Variants in CHST11 observed in about 807,000 individuals in gnomAD.
The protein encoded by CHST11 is C4S-1.
Under a neutral mutation model 30.4 loss-of-function variants are expected in CHST11, and 9 were observed. The observed-to-expected ratio is 0.30, with a 90% CI of 0.18 to 0.52. The LOEUF is 0.52. CHST11 is among the 20% of genes least tolerant of loss of function. The pLI is 0.97. For missense variants in CHST11, 348 were observed against 460.6 expected (o/e 0.76, Z 2.24); for synonymous variants, 152 against 187.8 (o/e 0.81, Z 1.56).
At position 104,714,637 on chromosome 12, in the gene CHST11, G is replaced by A. The variant is rs182228676; in HGVS notation, c.205-42312G>A. ...CAGCCAGACACAGCGGCTGCTTGAC[G>A]TTCACCCTGGCACCACATGGGAGGC... On this transcript the variant is annotated intron_variant, in intron 2 of 2. Coordinates refer to ENST00000303694, the MANE Select transcript of CHST11 (RefSeq NM_018413.6). 2.6e-5 allele frequency among the ~76,000 whole-genome samples: 4 copies of A among 152,270 alleles called. No homozygotes were observed. The East Asian group carries it at 5.8e-4, about 22-fold the overall frequency.
At chr12:104,583,868 A>G (rs889963247) in intron 1 of CHST11, among the ~76,000 whole-genome samples, 1 of 152,056 alleles carries the variant, frequency 6.6e-6, no homozygotes, top group Admixed American at 6.5e-5. Context: ...ACCTGCCACC[A>G]CACCCAGCTA....
chr12:104,623,832 C>T (rs1183405864), intron 2 of CHST11, among the ~76,000 whole-genome samples: 1 of 152,174 alleles, frequency 6.6e-6, no homozygotes, highest in Non-Finnish European at 1.5e-5. Flanking sequence ...ATTTCAATCA[C>T]TTTCAACTTG....
chr12:104,538,362 C>T (rs2038257455), intron 1 of CHST11, among the ~76,000 whole-genome samples: 1 of 152,184 alleles, frequency 6.6e-6, no homozygotes, highest in Non-Finnish European at 1.5e-5. Context: ...TCATCTCATC[C>T]TATCAAGGGT....
intron 2 of CHST11, among the ~76,000 whole-genome samples, chr12:104,710,212 A>C (rs1398957810): frequency 2.7e-5 from 4 of 150,798 alleles, no homozygotes; most frequent in Non-Finnish European, 5.9e-5. Context: ...ACAAAAAAAG[A>C]AGTTTTTTCA....
chr12:104,475,673 T>TATATATATAC (rs2037551828), intron 1 of CHST11, among the ~76,000 whole-genome samples: 1 of 82,306 alleles, frequency 1.2e-5, no homozygotes, highest in African/African-American at 4.5e-5. Flanking sequence ...TATATATATA[T>TATATATATAC]ATATATATAT....
At chr12:104,537,963 C>T (rs1435184569) in intron 1 of CHST11, among the ~76,000 whole-genome samples, 4 of 152,118 alleles carry the variant, frequency 2.6e-5, no homozygotes, top group African/African-American at 7.2e-5. Flanking sequence ...CCCACAGTGC[C>T]GGGATTCCAG....
At chr12:104,571,826 T>C (rs1361848226) in intron 1 of CHST11, among the ~76,000 whole-genome samples, 1 of 152,250 alleles carries the variant, frequency 6.6e-6, no homozygotes, top group Non-Finnish European at 1.5e-5. Flanking sequence ...TTTTTGATCA[T>C]TCAGTATGAT....
intron 2 of CHST11, among the ~76,000 whole-genome samples, chr12:104,645,855 A>G (rs536600720): frequency 7.2e-5 from 11 of 152,182 alleles, no homozygotes; most frequent in Non-Finnish European, 1.5e-4. Context: ...CTACCTACAA[A>G]TTAGGGTGTG....
intron 1 of CHST11, among the ~76,000 whole-genome samples, chr12:104,498,627 A>G (rs181492512): frequency 6.6e-6 from 1 of 152,316 alleles, no homozygotes; most frequent in East Asian, 1.9e-4. Flanking sequence ...AAACGTCCCT[A>G]TAGGACCTTT....
chr12:104,621,825 C>T (rs1413873681), intron 2 of CHST11, among the ~76,000 whole-genome samples: 7 of 152,204 alleles, frequency 4.6e-5, no homozygotes, highest in Non-Finnish European at 8.8e-5. Flanking sequence ...AACTAACATG[C>T]ACACACCCCT....
chr12:104,754,552 A>G (rs1460875745), intron 2 of CHST11, among the ~76,000 whole-genome samples: 4 of 152,164 alleles, frequency 2.6e-5, no homozygotes, highest in African/African-American at 9.7e-5. Flanking sequence ...AGGGCTTCCT[A>G]ATAGGCTTCA....
intron 1 of CHST11, among the ~76,000 whole-genome samples, chr12:104,488,645 A>ATG (rs55888657): frequency 0.33 from 44,411 of 136,514 alleles, 6,900 homozygotes; most frequent in East Asian, 0.52. Context: ...GTGCGTGTGT[A>ATG]TGTGTGTGTG....
chr12:104,596,388 G>A (rs4964825), intron 1 of CHST11, among the ~76,000 whole-genome samples: 86,064 of 152,096 alleles, frequency 0.57, 24,749 homozygotes, highest in East Asian at 0.77. Context: ...TTTTGCCAGC[G>A]GAAGGAGCAG....
At chr12:104,694,931 G>A (rs947605114) in intron 2 of CHST11, among the ~76,000 whole-genome samples, 24 of 152,208 alleles carry the variant, frequency 1.6e-4, no homozygotes, top group African/African-American at 5.5e-4. Context: ...AGAAGTCAGT[G>A]GCTCCCATTT....
chr12:104,683,034 A>T (rs2039813076), intron 2 of CHST11, among the ~76,000 whole-genome samples: 1 of 152,248 alleles, frequency 6.6e-6, no homozygotes, highest in African/African-American at 2.4e-5. Flanking sequence ...ACTTTAAAAG[A>T]TGTACAAACC....
chr12:104,459,141 C>T (rs2037383709), intron 1 of CHST11, among the ~76,000 whole-genome samples: 1 of 152,214 alleles, frequency 6.6e-6, no homozygotes, highest in African/African-American at 2.4e-5. Context: ...CAAACTACAG[C>T]GGTGTTTGTC....
intron 1 of CHST11, among the ~76,000 whole-genome samples, chr12:104,557,809 C>A (rs1019076654): frequency 6.6e-6 from 1 of 152,114 alleles, no homozygotes; most frequent in African/African-American, 2.4e-5. Flanking sequence ...AATGTGGGAA[C>A]GAAATTAATC....
At chr12:104,698,476 T>G (rs1339419144) in intron 2 of CHST11, among the ~76,000 whole-genome samples, 2 of 152,224 alleles carry the variant, frequency 1.3e-5, no homozygotes, top group Non-Finnish European at 2.9e-5. Context: ...CGTAGAGTTA[T>G]CTACCTATCA....
At chr12:104,714,554 A>G (rs1378858607) in intron 2 of CHST11, among the ~76,000 whole-genome samples, 2 of 72,224 alleles carry the variant, frequency 2.8e-5, no homozygotes, top group East Asian at 5.9e-4. Context: ...GGAGGTGGTG[A>G]TGATGATGAT....
Sources: gnomAD v4.1 joint callset for allele counts (sites outside exome capture counted in the v4.1 genomes callset) on GRCh38, gnomAD v4.1.1 for gene constraint, MANE v1.5 for transcripts, NCBI Gene and HGNC (gene_info 2026-07-23, HGNC 2026-07-21) for gene names.